DYNC1I1: variants seen among roughly 807,000 people sequenced by gnomAD.
The protein encoded by DYNC1I1 is dynein cytoplasmic 1 intermediate chain 1.
Under a neutral mutation model 86.6 loss-of-function variants are expected in DYNC1I1, and 43 were observed. The ratio of observed to expected loss-of-function variants is 0.50; its 90% CI spans 0.39 to 0.64. DYNC1I1 has a LOEUF of 0.64. Ranked by LOEUF, DYNC1I1 falls within the 30% of genes least tolerant of loss-of-function variation. The pLI, the probability that DYNC1I1 is intolerant of heterozygous loss-of-function variation, is 0.00. For missense variants in DYNC1I1, 604 were observed against 788.8 expected (o/e 0.77, Z 2.81); for synonymous variants, 262 against 283.7 (o/e 0.92, Z 0.77).
intron 14 of DYNC1I1, among the ~76,000 whole-genome samples, chr7:96,047,849 G>A (rs1789263671): frequency 1.3e-5 from 2 of 152,086 alleles, no homozygotes; most frequent in Admixed American, 6.6e-5. Context: ...GTAACAAAAA[G>A]CGACTTGAAC....
At chr7:96,058,898 C>A (rs1420622485) in intron 14 of DYNC1I1, among the ~76,000 whole-genome samples, 1 of 150,064 alleles carries the variant, frequency 6.7e-6, no homozygotes, top group Non-Finnish European at 1.5e-5. Flanking sequence ...CCAGCCTCGG[C>A]CTCTCAAAGT....
At chr7:95,889,451 A>G (rs1279899207) in intron 6 of DYNC1I1, among the ~76,000 whole-genome samples, 1 of 152,204 alleles carries the variant, frequency 6.6e-6, no homozygotes, top group Non-Finnish European at 1.5e-5. Context: ...AATCAACTCA[A>G]CATGGATTAA....
At chr7:95,867,308 C>T (rs527426018) in intron 5 of DYNC1I1, among the ~76,000 whole-genome samples, 65 of 152,298 alleles carry the variant, frequency 4.3e-4, no homozygotes, top group African/African-American at 1.4e-3. Flanking sequence ...ATATACCAGG[C>T]ACTAAACTAA....
In DYNC1I1 at chr7:95,992,176, C is replaced by A. The variant is rs145698677; in HGVS notation, c.844-3772C>A. ...TACCTGGCCCCATGCTTCTACAGAACCTTGCTTCTGCCTCTGTCTTAGCAC... is the reference window on the plus strand; with the variant it reads ...TACCTGGCCCCATGCTTCTACAGAAACTTGCTTCTGCCTCTGTCTTAGCAC... On this transcript the variant is annotated intron_variant, in intron 9 of 16. Coordinates refer to ENST00000447467, the MANE Select transcript of DYNC1I1 (RefSeq NM_001135556.2). 1.6e-3 allele frequency among the ~76,000 whole-genome samples: 240 copies of A among 152,174 alleles called. 2 individuals are homozygous for A. Among genetic ancestry groups the A allele is most frequent in the Non-Finnish European group, 1.8e-3 (124 of 67,988 alleles).
intron 5 of DYNC1I1, among the ~76,000 whole-genome samples, chr7:95,859,377 A>G (rs1330311050): frequency 6.6e-6 from 1 of 152,020 alleles, no homozygotes; most frequent in Admixed American, 6.6e-5. Context: ...TGTTTGCCTG[A>G]TTATTTTTGA....
chr7:95,928,789 C>T (rs988992662), intron 6 of DYNC1I1, among the ~76,000 whole-genome samples: 3 of 152,146 alleles, frequency 2.0e-5, no homozygotes, highest in African/African-American at 7.2e-5. Flanking sequence ...TTGGCATCCA[C>T]CAAATGGAGA....
intron 5 of DYNC1I1, among the ~76,000 whole-genome samples, chr7:95,850,642 G>A (rs976310479): frequency 6.6e-6 from 1 of 152,122 alleles, no homozygotes; most frequent in African/African-American, 2.4e-5. Flanking sequence ...TCTTAACTAA[G>A]CATGTGTCAT....
intron 2 of DYNC1I1, among the ~76,000 whole-genome samples, chr7:95,808,861 A>G (rs1325370156): frequency 2.0e-5 from 3 of 152,166 alleles, no homozygotes; most frequent in South Asian, 4.1e-4. Flanking sequence ...TCATTAAAAC[A>G]TAGTAGGATT....
chr7:95,829,964 A>T (rs542821772), intron 5 of DYNC1I1, among the ~76,000 whole-genome samples: 1 of 152,086 alleles, frequency 6.6e-6, no homozygotes, highest in Non-Finnish European at 1.5e-5. Flanking sequence ...TTGAAGGACT[A>T]TTTGCATTTT....
intron 6 of DYNC1I1, among the ~76,000 whole-genome samples, chr7:95,893,220 C>CA (rs770433067): frequency 1.3e-5 from 2 of 152,028 alleles, no homozygotes; most frequent in African/African-American, 4.8e-5. Flanking sequence ...AGGAGTCAGA[C>CA]AAAAAATTCA....
chr7:95,786,218 C>G (rs1283874098), intron 1 of DYNC1I1, among the ~76,000 whole-genome samples: 1 of 152,100 alleles, frequency 6.6e-6, no homozygotes, highest in Admixed American at 6.6e-5. Context: ...CCATTGCGCC[C>G]TGCCACCTCA....
chr7:96,065,345 A>G (rs1460670106), intron 14 of DYNC1I1, among the ~76,000 whole-genome samples: 7 of 142,666 alleles, frequency 4.9e-5, no homozygotes, highest in Admixed American at 1.4e-4. Context: ...CTTCTTCTCC[A>G]TCCTCCCCAC....
intron 6 of DYNC1I1, among the ~76,000 whole-genome samples, chr7:95,939,184 T>A (rs1345544359): frequency 2.0e-5 from 3 of 152,206 alleles, no homozygotes; most frequent in African/African-American, 7.2e-5. Flanking sequence ...ATTTCTGATC[T>A]TTTACATTTG....
At chr7:95,941,167 T>G (rs889474454) in intron 6 of DYNC1I1, among the ~76,000 whole-genome samples, 1 of 152,104 alleles carries the variant, frequency 6.6e-6, no homozygotes, top group Non-Finnish European at 1.5e-5. Context: ...AAGTTTTGTC[T>G]CAGCGGAGTA....
intron 14 of DYNC1I1, among the ~76,000 whole-genome samples, chr7:96,049,663 G>A (rs890837264): frequency 1.3e-5 from 2 of 152,116 alleles, no homozygotes; most frequent in African/African-American, 2.4e-5. Context: ...AAGAATTGGT[G>A]CTAAGAGACA....
intron 5 of DYNC1I1, 72 bp from the exon 6 acceptor site, chr7:95,869,811 T>C: frequency 7.0e-7 from 1 of 1,426,488 alleles, no homozygotes; most frequent in Non-Finnish European, 9.7e-7. Flanking sequence ...TTTAGTGCTT[T>C]CTTTTATTAC....
At chr7:95,781,462 GA>G (rs1274797285) in intron 1 of DYNC1I1, among the ~76,000 whole-genome samples, 5 of 152,320 alleles carry the variant, frequency 3.3e-5, no homozygotes, top group Non-Finnish European at 5.9e-5. Context: ...AAAGTAGATA[GA>G]AAAGTTGGTT....
Position 95,977,672 on chromosome 7 carries a change from A to G in DYNC1I1, c.580+71A>G, listed in dbSNP as rs538004157. 2.9e-6 allele frequency: 4 copies of G among 1,393,908 alleles called. No homozygotes were observed. The African/African-American group carries it at 5.8e-5, about 20-fold the overall frequency. 86.3% of individuals were successfully genotyped at this position (1,393,908 alleles called of 1,614,324 possible). A position where few individuals can be genotyped will look rare whatever the true frequency, so the allele number is the denominator to read the frequency against. On this transcript the variant is annotated intron_variant, in intron 7 of 16. Transcript: ENST00000447467. ...TTGTTTGCCTTTACTAATATAAGAG[A>G]CTATAGAGCTAAGTAAAAATTGAAT...
chr7:95,895,040 T>C (rs890145987), intron 6 of DYNC1I1, among the ~76,000 whole-genome samples: 1 of 152,152 alleles, frequency 6.6e-6, no homozygotes, highest in Admixed American at 6.5e-5. Context: ...ACTTCTCAGA[T>C]GTAATGGTTT....
Sources: gnomAD v4.1 joint callset for allele counts (sites outside exome capture counted in the v4.1 genomes callset) on GRCh38, gnomAD v4.1.1 for gene constraint, MANE v1.5 for transcripts, NCBI Gene and HGNC (gene_info 2026-07-23, HGNC 2026-07-21) for gene names.